The following GRIK3 variants were observed in gnomAD, a reference collection of about 807,000 sequenced individuals.
GRIK3 encodes the protein glutamate receptor ionotropic, kainate 3.
GRIK3 carries 29 observed loss-of-function variants against 102.5 expected under a neutral mutation model. The observed-to-expected ratio is 0.28, with a 90% CI of 0.21 to 0.39. GRIK3 has a LOEUF of 0.39. Ranked by LOEUF, GRIK3 falls within the 10% of genes least tolerant of loss-of-function variation. The pLI is 1.00. For missense variants in GRIK3, 908 were observed against 1,252.4 expected (o/e 0.73, Z 4.15); for synonymous variants, 511 against 504.9 (o/e 1.01, Z -0.16).
intron 10 of GRIK3, among the ~76,000 whole-genome samples, chr1:36,836,483 A>G: frequency 6.6e-6 from 1 of 152,222 alleles, no homozygotes; most frequent in East Asian, 1.9e-4. Context: ...CGGTAAGAAG[A>G]GTCACACAGG....
intron 1 of GRIK3, among the ~76,000 whole-genome samples, chr1:37,004,901 G>A (rs1419016829): frequency 6.6e-6 from 1 of 152,188 alleles, no homozygotes; most frequent in Non-Finnish European, 1.5e-5. Flanking sequence ...GACCAGCCCG[G>A]CCCAGCACTG....
chr1:36,981,059 A>C (rs905135933), intron 1 of GRIK3, among the ~76,000 whole-genome samples: 2 of 152,214 alleles, frequency 1.3e-5, no homozygotes, highest in African/African-American at 4.8e-5. Flanking sequence ...GGGTTATTTT[A>C]GTTTATCCTT....
At chr1:36,945,537 T>G (rs1365879430) in intron 1 of GRIK3, among the ~76,000 whole-genome samples, 1 of 149,034 alleles carries the variant, frequency 6.7e-6, no homozygotes, top group Non-Finnish European at 1.5e-5. Context: ...TGATCCTTCC[T>G]GCCAACAGAT....
At chr1:36,970,356 C>T (rs1642128298) in intron 1 of GRIK3, among the ~76,000 whole-genome samples, 1 of 152,164 alleles carries the variant, frequency 6.6e-6, no homozygotes. Flanking sequence ...ATTCCTTAAA[C>T]ACCGGAGTCT....
chr1:36,843,302 T>C (rs898216284), intron 9 of GRIK3, among the ~76,000 whole-genome samples: 2 of 152,156 alleles, frequency 1.3e-5, no homozygotes, highest in Admixed American at 1.3e-4. Context: ...CCCGTGTCCA[T>C]GATGGATGCG....
chr1:37,032,362 G>A (rs1388610542), intron 1 of GRIK3, among the ~76,000 whole-genome samples: 1 of 152,084 alleles, frequency 6.6e-6, no homozygotes, highest in Admixed American at 6.5e-5. Context: ...ACTGCAATCC[G>A]TGCGATGGGC....
intron 1 of GRIK3, among the ~76,000 whole-genome samples, chr1:36,896,566 G>T (rs1430673467): frequency 6.6e-6 from 1 of 152,090 alleles, no homozygotes; most frequent in Non-Finnish European, 1.5e-5. Context: ...TTAAAATCAT[G>T]AAAGGCAGAA....
At chr1:37,000,762 G>T (rs1642468548) in intron 1 of GRIK3, among the ~76,000 whole-genome samples, 1 of 152,184 alleles carries the variant, frequency 6.6e-6, no homozygotes, top group Admixed American at 6.5e-5. Flanking sequence ...CCCTTAGGCA[G>T]TAAGCATCCC....
At chr1:37,022,998 A>T (rs999679565) in intron 1 of GRIK3, among the ~76,000 whole-genome samples, 1 of 152,224 alleles carries the variant, frequency 6.6e-6, no homozygotes, top group Non-Finnish European at 1.5e-5. Flanking sequence ...AGACATGTTC[A>T]TTGAAACCTT....
In GRIK3 at chr1:36,919,866, G is replaced by C. The variant is rs539847750; in HGVS notation, c.116-28770C>G. The stretch of plus-strand genomic sequence containing the variant: ...CGGGTGCATATCCTCATCTTCAGGA[G>C]AGAGGTGCATGGTGTGGGGGAAGAG... On this transcript the variant is annotated intron_variant, in intron 1 of 15. Transcript: ENST00000373091. 2.8e-3 allele frequency among the ~76,000 whole-genome samples: 424 copies of C among 152,336 alleles called. 1 individual carries two copies. The highest frequency in any genetic ancestry group is 5.0e-3 in the Non-Finnish European group (340 of 68,022).
At position 36,839,694 on chromosome 1, in the gene GRIK3, T is replaced by G. The variant is rs541410513; in HGVS notation, c.1530+2042A>C. ...TGCAGAAACTGAGGCACAGAGAGGT[T>G]AAGAAACTTGTCCAGGAATGCACAG... On this transcript the variant is annotated intron_variant, in intron 10 of 15. Transcript: ENST00000373091. 9.8e-5 allele frequency among the ~76,000 whole-genome samples: 15 copies of G among 152,328 alleles called. No individual in the cohort carries two copies. In the South Asian group the frequency reaches 2.7e-3, roughly 27 times the overall value.
chr1:36,860,755 C>A (rs1211441568), intron 5 of GRIK3, among the ~76,000 whole-genome samples: 1 of 152,176 alleles, frequency 6.6e-6, no homozygotes, highest in Non-Finnish European at 1.5e-5. Flanking sequence ...TGTCCCTAAG[C>A]TAGGAGAGAT....
At chr1:36,864,199 G>A (rs568318884) in intron 5 of GRIK3, among the ~76,000 whole-genome samples, 1 of 152,160 alleles carries the variant, frequency 6.6e-6, no homozygotes, top group Admixed American at 6.5e-5. Context: ...TCTACAGACT[G>A]GAAGTTTAGG....
chr1:36,972,175 T>C (rs575605), intron 1 of GRIK3, among the ~76,000 whole-genome samples: 118,939 of 152,216 alleles, frequency 0.78, 47,438 homozygotes, highest in African/African-American at 0.94. Context: ...CGCATCCCAA[T>C]GAGGCTGTGA....
intron 1 of GRIK3, among the ~76,000 whole-genome samples, chr1:37,020,148 T>C (rs1412380639): frequency 1.3e-5 from 2 of 152,148 alleles, no homozygotes; most frequent in African/African-American, 2.4e-5. Flanking sequence ...AAGTGCACCA[T>C]TTTTCTGAGA....
chr1:36,882,181 A>G (rs962986992), intron 2 of GRIK3, among the ~76,000 whole-genome samples: 1 of 152,232 alleles, frequency 6.6e-6, no homozygotes, highest in Non-Finnish European at 1.5e-5. Flanking sequence ...CCAAAGAGGC[A>G]GGGCCTTGAT....
In GRIK3 at chr1:36,817,685, G is replaced by A. The variant is rs531488451; in HGVS notation, c.1874-408C>T. 2.0e-4 allele frequency among the ~76,000 whole-genome samples: 30 copies of A among 152,308 alleles called. 1 individual carries two copies. In the East Asian group the frequency reaches 4.8e-3, roughly 24 times the overall value. ...GGTCCCAGCTTAAGAACACCTGGGA[G>A]TCAGGACCCTTGGGTTCTCGAGTGA... On this transcript the variant is annotated intron_variant, in intron 12 of 15. Coordinates refer to ENST00000373091, the MANE Select transcript of GRIK3 (RefSeq NM_000831.4).
At chr1:36,860,589 G>A (rs774339421) in intron 5 of GRIK3, among the ~76,000 whole-genome samples, 4 of 152,184 alleles carry the variant, frequency 2.6e-5, no homozygotes, top group African/African-American at 4.8e-5. Flanking sequence ...CCTGTCTGTC[G>A]TGGGCCAGGC....
rs993805487 is a variant in GRIK3, at chr1:36,851,690, C to T, written c.1213-1266G>A. Among the ~76,000 whole-genome samples the T allele has an allele frequency of 5.3e-5, 8 of 152,338 alleles. No individual in the cohort carries two copies. The South Asian group carries it at 8.3e-4, about 16-fold the overall frequency. ...CTGTGGAGGCTCTGTGCTCACAGTCCGGGTGGCTGTGACCCGGTGCCTTGG... is the reference window on the plus strand; with the variant it reads ...CTGTGGAGGCTCTGTGCTCACAGTCTGGGTGGCTGTGACCCGGTGCCTTGG... On this transcript the variant is annotated intron_variant, in intron 8 of 15. Coordinates refer to ENST00000373091, the MANE Select transcript of GRIK3 (RefSeq NM_000831.4).
Sources: gnomAD v4.1 joint callset for allele counts (sites outside exome capture counted in the v4.1 genomes callset) on GRCh38, gnomAD v4.1.1 for gene constraint, MANE v1.5 for transcripts, NCBI Gene and HGNC (gene_info 2026-07-23, HGNC 2026-07-21) for gene names.